PLS1: variants seen among roughly 807,000 people sequenced by gnomAD.
The protein encoded by PLS1 is plastin 1.
A neutral mutation model predicts 73.7 loss-of-function variants in PLS1; 32 were observed. The ratio of observed to expected loss-of-function variants is 0.43; its 90% CI spans 0.33 to 0.58. The LOEUF (loss-of-function observed/expected upper bound fraction) is 0.58. Among genes scored for constraint, PLS1 ranks in the 20% least tolerant of loss-of-function variants. PLS1 has a pLI of 0.04. For synonymous variants in PLS1, 217 were observed against 261.3 expected, an observed-to-expected ratio of 0.83 and a Z score of 1.63; for missense variants, 633 against 740.5, an observed-to-expected ratio of 0.85 and a Z score of 1.68.
chr3:142,606,013 C>T (rs1341626572), intron 1 of PLS1, among the ~76,000 whole-genome samples: 1 of 152,196 alleles, frequency 6.6e-6, no homozygotes, highest in East Asian at 1.9e-4. Context: ...AAGCATTTCT[C>T]ATACCACTAG....
chr3:142,626,838 G>T lies in PLS1; in HGVS notation c.-37+30329G>T, dbSNP rs146500281. Among the ~76,000 whole-genome samples, 695 of 152,212 alleles carry T rather than the reference G, an allele frequency of 4.6e-3. 5 individuals are homozygous for T. The highest frequency in any genetic ancestry group is 0.016 in the African/African-American group (666 of 41,526). The stretch of plus-strand genomic sequence containing the variant: ...GTGAGTGTAGCTTTGGTATCAACTG[G>T]GTTATATAATCTGTTAATCCACTCA... On this transcript the variant is annotated intron_variant, in intron 1 of 15. Transcript: ENST00000457734.
At chr3:142,700,981 C>T (rs1379859578) in intron 12 of PLS1, among the ~76,000 whole-genome samples, 2 of 152,218 alleles carry the variant, frequency 1.3e-5, no homozygotes, top group Non-Finnish European at 2.9e-5. Flanking sequence ...TTGCTTCCTG[C>T]CATGATTCTA....
At chr3:142,619,159 G>T (rs777778931) in intron 1 of PLS1, among the ~76,000 whole-genome samples, 7 of 152,168 alleles carry the variant, frequency 4.6e-5, no homozygotes, top group Non-Finnish European at 1.0e-4. Flanking sequence ...GATGTTTCAG[G>T]GCTTTTGTGT....
At chr3:142,683,233 G>A (rs911315037) in intron 6 of PLS1, among the ~76,000 whole-genome samples, 7 of 152,342 alleles carry the variant, frequency 4.6e-5, no homozygotes, top group East Asian at 3.9e-4. Context: ...GGCCAGGTGC[G>A]GTGGCTCACG....
intron 14 of PLS1, among the ~76,000 whole-genome samples, chr3:142,710,448 T>G (rs1933066421): frequency 6.6e-6 from 1 of 152,174 alleles, no homozygotes; most frequent in East Asian, 1.9e-4. Context: ...TTTTTTTCCG[T>G]TTTTGTCTCT....
chr3:142,613,607 ACTAAT>A (rs1237306647), intron 1 of PLS1, among the ~76,000 whole-genome samples: 1 of 152,226 alleles, frequency 6.6e-6, no homozygotes, highest in Non-Finnish European at 1.5e-5. Flanking sequence ...ATGCTGACTC[ACTAAT>A]CTAATCTTGT....
chr3:142,676,324 T>C, intron 5 of PLS1, 35 bp downstream of exon 5: 1 of 1,601,700 alleles, frequency 6.2e-7, no homozygotes, highest in Non-Finnish European at 8.5e-7. Flanking sequence ...AGCTGCGTTC[T>C]TGCTGATTAC....
At chr3:142,599,167 C>G (rs1403327093) in intron 1 of PLS1, among the ~76,000 whole-genome samples, 2 of 142,364 alleles carry the variant, frequency 1.4e-5, no homozygotes, top group Non-Finnish European at 3.0e-5. Flanking sequence ...ATAGTTATTA[C>G]ATGAATGAAT....
intron 2 of PLS1, among the ~76,000 whole-genome samples, chr3:142,666,257 T>G (rs1158400904): frequency 6.6e-6 from 1 of 152,176 alleles, no homozygotes; most frequent in Non-Finnish European, 1.5e-5. Flanking sequence ...TGTTCTACAT[T>G]CATCACCACC....
chr3:142,665,272 A>G (rs1213509339), intron 2 of PLS1, among the ~76,000 whole-genome samples: 1 of 150,148 alleles, frequency 6.7e-6, no homozygotes, highest in African/African-American at 2.5e-5. Flanking sequence ...AAGAAAAACG[A>G]TATGTTTAAA....
Position 142,712,133 on chromosome 3 carries a change from T to A in PLS1, c.*126T>A. The A allele has an allele frequency of 1.2e-6, 1 of 854,220 alleles. No individual in the cohort carries two copies. The highest frequency in any genetic ancestry group is 1.8e-6 in the Non-Finnish European group (1 of 543,496). 52.9% of individuals were successfully genotyped at this position (854,220 alleles called of 1,614,324 possible). On this transcript the variant is annotated 3_prime_UTR_variant, in exon 16 of 16. Coordinates refer to ENST00000457734, the MANE Select transcript of PLS1 (RefSeq NM_001145319.2). Reference sequence around the variant, plus strand: ...CTCAAAATAGTTATATATTCATTAATGAATTCAATATCCTGTTCATACTAG... The same window carrying A: ...CTCAAAATAGTTATATATTCATTAAAGAATTCAATATCCTGTTCATACTAG...
At position 142,640,721 on chromosome 3, in the gene PLS1, G is replaced by C. The variant is rs116396550; in HGVS notation, c.-36-23481G>C. Among the ~76,000 whole-genome samples the C allele has an allele frequency of 4.6e-3, 705 of 152,220 alleles. 4 individuals are homozygous for C. Among genetic ancestry groups the C allele is most frequent in the African/African-American group, 0.016 (649 of 41,526 alleles). Reference sequence around the variant, plus strand: ...TGCAGCATGTGGTACGGAGTGTGTGGTTGGGTGGTGTCTGATGTGGATTTG... The same window carrying C: ...TGCAGCATGTGGTACGGAGTGTGTGCTTGGGTGGTGTCTGATGTGGATTTG... On this transcript the variant is annotated intron_variant, in intron 1 of 15. Coordinates refer to ENST00000457734, the MANE Select transcript of PLS1 (RefSeq NM_001145319.2).
intron 12 of PLS1, among the ~76,000 whole-genome samples, chr3:142,701,648 C>G (rs1185814926): frequency 6.6e-6 from 1 of 152,144 alleles, no homozygotes; most frequent in Non-Finnish European, 1.5e-5. Flanking sequence ...TATGCTAGCA[C>G]CTATTTCCAG....
intron 6 of PLS1, among the ~76,000 whole-genome samples, chr3:142,678,972 G>GCA (rs2037785826): frequency 6.6e-6 from 1 of 152,118 alleles, no homozygotes; most frequent in South Asian, 2.1e-4. Flanking sequence ...ATTCTAACTG[G>GCA]TGTAAGATGG....
chr3:142,689,804 T>C lies in PLS1; in HGVS notation c.1168T>C (p.Leu390=). 1 of 1,582,568 alleles carries C rather than the reference T, an allele frequency of 6.3e-7. No individual in the cohort carries two copies. Among genetic ancestry groups the C allele is most frequent in the African/African-American group, 1.4e-5 (1 of 73,442 alleles). The change falls in exon 10 of 16, where the codon TTA becomes CTA. Residue 390 remains leucine, a synonymous_variant. Coordinates refer to ENST00000457734, the MANE Select transcript of PLS1 (RefSeq NM_001145319.2). The part of the protein sequence containing the change: ...KPNNNDIDMN[L]LEGESKEERT... ...GAATAATAATGACATCGATATGAATTTACTGGAAGGTGCGTTCTTTCTGCC... is the reference window on the plus strand; with the variant it reads ...GAATAATAATGACATCGATATGAATCTACTGGAAGGTGCGTTCTTTCTGCC...
At chr3:142,694,876 A>T (rs1577902550) in intron 11 of PLS1, among the ~76,000 whole-genome samples, 1 of 152,268 alleles carries the variant, frequency 6.6e-6, no homozygotes, top group Non-Finnish European at 1.5e-5. Flanking sequence ...TATTTTTATT[A>T]TGTCATTTTT....
At chr3:142,662,232 C>T (rs897789530) in intron 1 of PLS1, among the ~76,000 whole-genome samples, 7 of 152,162 alleles carry the variant, frequency 4.6e-5, no homozygotes, top group African/African-American at 1.4e-4. Flanking sequence ...TACTATGCAG[C>T]CATAAAAAAG....
intron 6 of PLS1, among the ~76,000 whole-genome samples, chr3:142,683,593 T>A (rs2107887990): frequency 6.6e-6 from 1 of 152,342 alleles, no homozygotes; most frequent in Middle Eastern, 3.4e-3. Flanking sequence ...AGTGCTGCAG[T>A]TTCCTCATCT....
intron 14 of PLS1, among the ~76,000 whole-genome samples, chr3:142,709,195 A>G (rs919179661): frequency 1.3e-5 from 2 of 152,240 alleles, no homozygotes; most frequent in African/African-American, 4.8e-5. Context: ...AAAAATGTAG[A>G]TTCCCAGCCT....
Sources: gnomAD v4.1 joint callset for allele counts (sites outside exome capture counted in the v4.1 genomes callset) on GRCh38, gnomAD v4.1.1 for gene constraint, MANE v1.5 for transcripts, NCBI Gene and HGNC (gene_info 2026-07-23, HGNC 2026-07-21) for gene names.